The following PROKR2 variants were observed in gnomAD, a reference collection of about 807,000 sequenced individuals.
PROKR2 encodes prokineticin receptor 2.
In PROKR2, 26 loss-of-function variants were observed where a neutral mutation model predicts 23.4. The ratio of observed to expected loss-of-function variants is 1.11; its 90% confidence interval spans 0.81 to 1.54. The LOEUF (loss-of-function observed/expected upper bound fraction) is 1.54, where lower values mean the gene tolerates loss of function less well. Among genes scored for constraint, PROKR2 ranks in the 40% most tolerant of loss-of-function variants. The pLI, the probability that PROKR2 is intolerant of heterozygous loss-of-function variation, is 0.00. For missense variants in PROKR2, 453 were observed against 511.5 expected (o/e 0.89, Z 1.10); for synonymous variants, 212 against 201.2 (o/e 1.05, Z -0.45).
intron 2 of PROKR2, among the ~76,000 whole-genome samples, chr20:5,304,608 G>A (rs1979148090): frequency 6.6e-6 from 1 of 152,202 alleles, no homozygotes; most frequent in African/African-American, 2.4e-5. Context: ...AAGTGGTCAT[G>A]CAGGATGATG....
At chr20:5,313,863 A>C in intron 2 of PROKR2, 49 bp downstream of exon 2, 10 of 1,488,044 alleles carry the variant, frequency 6.7e-6, no homozygotes, top group South Asian at 1.2e-5. Context: ...AAATGAGGAA[A>C]GAGACAGCCT....
chr20:5,308,584 G>T (rs1358805346), intron 2 of PROKR2, among the ~76,000 whole-genome samples: 1 of 152,108 alleles, frequency 6.6e-6, no homozygotes, highest in Admixed American at 6.5e-5. Context: ...ATCTCTGTTC[G>T]GGGCTCTCAG....
rs76469093 is a variant in PROKR2 at position 5,302,073 on chromosome 20, G to T, written c.1122C>A (p.Thr374=). The change falls in exon 3 of 3, where the codon ACC becomes ACA. Residue 374 remains threonine, a synonymous_variant. Transcript: ENST00000678254. ...DLDLRTNGVP[T]TEEVDCIRLK ...GCCTGATACAGTCCACCTCTTCTGT[G>T]GTGGGCACCCCGTTGGTTCTGAGGT... 2.6e-3 allele frequency: 4,164 copies of T among 1,614,086 alleles called. 82 individuals are homozygous for T. In the South Asian group the frequency reaches 0.028, roughly 11 times the overall value.
In PROKR2 at chr20:5,314,507, A is replaced by C. The variant is rs1027122340; in HGVS notation, c.-8-130T>G. 61 of 790,036 alleles carry C rather than the reference A, an allele frequency of 7.7e-5. 1 individual carries two copies. The highest frequency in any genetic ancestry group is 2.2e-4 in the Admixed American group (11 of 50,012). The allele number at this position is 790,036 out of a possible 1,614,324, so 48.9% of individuals were successfully genotyped here. A position where few individuals can be genotyped will look rare whatever the true frequency, so the allele number is the denominator to read the frequency against. On this transcript the variant is annotated intron_variant, in intron 1 of 2. Coordinates refer to ENST00000678254, the MANE Select transcript of PROKR2 (RefSeq NM_144773.4). ...TTGACTCACCGTCCTGGATCCTGGAAGGAGGCACAACCAGTGGGCAACATG... is the reference window on the plus strand; with the variant it reads ...TTGACTCACCGTCCTGGATCCTGGACGGAGGCACAACCAGTGGGCAACATG...
chr20:5,312,188 C>A (rs1979467689), intron 2 of PROKR2, among the ~76,000 whole-genome samples: 1 of 152,116 alleles, frequency 6.6e-6, no homozygotes, highest in African/African-American at 2.4e-5. Flanking sequence ...CTCACGGCAA[C>A]CTCCGCCTCC....
intron 2 of PROKR2, among the ~76,000 whole-genome samples, chr20:5,306,638 G>T (rs1047641223): frequency 6.6e-6 from 1 of 152,198 alleles, no homozygotes; most frequent in Admixed American, 6.5e-5. Context: ...TGTAATTGAG[G>T]TATTGACTGC....
intron 2 of PROKR2, among the ~76,000 whole-genome samples, chr20:5,310,823 C>A (rs1212693528): frequency 1.3e-5 from 2 of 152,180 alleles, no homozygotes; most frequent in African/African-American, 2.4e-5. Flanking sequence ...TTGGGAGTAA[C>A]CCAAGCTAAG....
intron 1 of PROKR2, 30 bp from the exon 2 acceptor site, chr20:5,314,407 G>C (rs758767381): frequency 5.1e-6 from 8 of 1,556,054 alleles, no homozygotes; most frequent in African/African-American, 1.4e-5. Flanking sequence ...AGGGAGGTGC[G>C]AGGGGTGAGG....
chr20:5,310,012 T>C (rs6085085), intron 2 of PROKR2, among the ~76,000 whole-genome samples: 77,645 of 152,090 alleles, frequency 0.51, 20,136 homozygotes, highest in African/African-American at 0.61. Context: ...TCAAACTGTG[T>C]ACTTGGATAA....
intron 2 of PROKR2, among the ~76,000 whole-genome samples, chr20:5,304,725 A>G (rs982113520): frequency 6.6e-6 from 1 of 152,246 alleles, no homozygotes; most frequent in African/African-American, 2.4e-5. Context: ...CAAAAGAACC[A>G]TACGTGGATT....
chr20:5,314,122 T>C lies in PROKR2; in HGVS notation c.248A>G (p.Lys83Arg). The C allele has an allele frequency of 6.2e-7, 1 of 1,614,174 alleles. No homozygotes were observed. Among genetic ancestry groups the C allele is most frequent in the Non-Finnish European group, 8.5e-7 (1 of 1,180,036 alleles). The change falls in exon 2 of 3, where the codon AAG becomes AGG. Residue 83 changes from lysine to arginine, a missense_variant. Physicochemically the swap from Lys to Arg is conservative, Grantham distance 26. Coordinates refer to ENST00000678254, the MANE Select transcript of PROKR2 (RefSeq NM_144773.4). ...GAGCAGATTGGTGAGGTTGCGCAACTTCTTATAGCGGGTGAGGGCAGCGAT... is the reference window on the plus strand; with the variant it reads ...GAGCAGATTGGTGAGGTTGCGCAACCTCTTATAGCGGGTGAGGGCAGCGAT... The part of the protein sequence containing the change: ...VFIAALTRYK[K>R]LRNLTNLLIA...
rs946686832 is a variant in PROKR2 at position 5,299,858 on chromosome 20, C to T, written c.*2182G>A. Among the ~76,000 whole-genome samples, 6 of 152,262 alleles carry T rather than the reference C, an allele frequency of 3.9e-5. No homozygotes were observed. The highest frequency in any genetic ancestry group is 4.1e-4 in the South Asian group (2 of 4,832). On this transcript the variant is annotated 3_prime_UTR_variant, in exon 3 of 3. Transcript: ENST00000678254. ...CAGGCTGGTCTTGAACTCCTGACCTCAGGTGATCTGCCCATCTTGGCCTCC... is the reference window on the plus strand; with the variant it reads ...CAGGCTGGTCTTGAACTCCTGACCTTAGGTGATCTGCCCATCTTGGCCTCC...
intron 2 of PROKR2, among the ~76,000 whole-genome samples, chr20:5,305,657 C>T (rs983404343): frequency 1.3e-5 from 2 of 150,410 alleles, no homozygotes; most frequent in African/African-American, 2.5e-5. Context: ...TACTGATAAA[C>T]GTCCTACCTG....
intron 2 of PROKR2, 22 bp downstream of exon 2, chr20:5,313,890 T>A (rs1979538537): frequency 1.2e-6 from 2 of 1,600,908 alleles, no homozygotes; most frequent in African/African-American, 1.3e-5. Flanking sequence ...GCCCCACCAC[T>A]CACCCCACCC....
In PROKR2 at chr20:5,301,204, G is replaced by GGTT. The variant is rs11472556; in HGVS notation, c.*833_*835dup. Among the ~76,000 whole-genome samples, 196 of 151,422 alleles carry GGTT rather than the reference G, an allele frequency of 1.3e-3. 1 individual carries two copies. Among genetic ancestry groups the GGTT allele is most frequent in the African/African-American group, 3.0e-3 (122 of 41,192 alleles). Reference sequence around the variant, plus strand: ...CTAAGAGTCTTCTTCTATAGCCGTTGGTTGTTGTTGTTGTTGTTTTGTTGT... The same window carrying GGTT: ...CTAAGAGTCTTCTTCTATAGCCGTTGGTTGTTGTTGTTGTTGTTGTTTTGTTGT... On this transcript the variant is annotated 3_prime_UTR_variant, in exon 3 of 3. Coordinates refer to ENST00000678254, the MANE Select transcript of PROKR2 (RefSeq NM_144773.4).
Position 5,302,086 on chromosome 20 carries a change from T to C in PROKR2, c.1109A>G (p.Asn370Ser), listed in dbSNP as rs762790551. The change falls in exon 3 of 3, where the codon AAC (asparagine) becomes AGC (serine). Residue 370 changes from asparagine to serine, a missense_variant. By Grantham distance (46) the Asn-to-Ser change is conservative. Coordinates refer to ENST00000678254, the MANE Select transcript of PROKR2 (RefSeq NM_144773.4). ...KSSADLDLRT[N>S]GVPTTEEVDC... Reference sequence around the variant, plus strand: ...CACCTCTTCTGTGGTGGGCACCCCGTTGGTTCTGAGGTCAAGGTCAGCACT... The same window carrying C: ...CACCTCTTCTGTGGTGGGCACCCCGCTGGTTCTGAGGTCAAGGTCAGCACT... 5.0e-6 allele frequency: 8 copies of C among 1,614,038 alleles called. No individual in the cohort carries two copies. The highest frequency in any genetic ancestry group is 1.3e-5 in the African/African-American group (1 of 74,908).
intron 1 of PROKR2, chr20:5,315,610 G>A (rs931026442): frequency 2.9e-6 from 1 of 345,010 alleles, no homozygotes; most frequent in Non-Finnish European, 5.7e-6. Context: ...AATGCATTTG[G>A]TCCACTCCTG....
chr20:5,304,524 C>T (rs1979144242), intron 2 of PROKR2, among the ~76,000 whole-genome samples: 1 of 152,118 alleles, frequency 6.6e-6, no homozygotes, highest in African/African-American at 2.4e-5. Flanking sequence ...CTTGCAATGC[C>T]CAGGCCCATC....
chr20:5,302,084 C>G lies in PROKR2; in HGVS notation c.1111G>C (p.Gly371Arg), dbSNP rs201023639. The change falls in exon 3 of 3, where the codon GGG becomes CGG. Residue 371 changes from glycine (G) to arginine (R), a missense_variant. Physicochemically the swap from Gly to Arg is moderately radical, Grantham distance 125 (BLOSUM62 -2). Transcript: ENST00000678254. ...SSADLDLRTN[G>R]VPTTEEVDCI... ...TCCACCTCTTCTGTGGTGGGCACCCCGTTGGTTCTGAGGTCAAGGTCAGCA... is the reference window on the plus strand; with the variant it reads ...TCCACCTCTTCTGTGGTGGGCACCCGGTTGGTTCTGAGGTCAAGGTCAGCA... 179 of 1,614,018 alleles carry G rather than the reference C, an allele frequency of 1.1e-4. No homozygotes were observed. The highest frequency in any genetic ancestry group is 1.4e-4 in the Non-Finnish European group (170 of 1,180,032).
Sources: allele counts gnomAD v4.1 joint callset (sites outside exome capture counted in the v4.1 genomes callset), GRCh38; gene constraint gnomAD v4.1.1; transcripts MANE v1.5; gene names NCBI Gene and HGNC (gene_info 2026-07-23, HGNC 2026-07-21).